Variants in ACTA2 observed in about 807,000 individuals in gnomAD.
ACTA2 encodes the protein actin, aortic smooth muscle.
A neutral mutation model predicts 39.5 loss-of-function variants in ACTA2; 12 were observed. The observed-to-expected ratio is 0.30, with a 90% CI of 0.19 to 0.49. The LOEUF is 0.49. Ranked by LOEUF, ACTA2 falls within the 20% of genes least tolerant of loss-of-function variation. ACTA2 has a pLI of 0.99. For missense variants in ACTA2, 236 were observed against 498.8 expected (o/e 0.47, Z 5.02); for synonymous variants, 158 against 180.6 (o/e 0.88, Z 1.00).
intron 1 of ACTA2, among the ~76,000 whole-genome samples, chr10:88,950,654 G>A (rs72809342): frequency 0.093 from 14,164 of 152,256 alleles, 888 homozygotes; most frequent in Non-Finnish European, 0.14. Flanking sequence ...GGACAACGAA[G>A]ATTTCAGATC....
intron 3 of ACTA2, among the ~76,000 whole-genome samples, chr10:88,944,663 C>G (rs1413328968): frequency 6.6e-6 from 1 of 152,206 alleles, no homozygotes; most frequent in Non-Finnish European, 1.5e-5. Context: ...ATCTTCCACT[C>G]ACAGTCAGAC....
chr10:88,947,958 TAGTC>T (rs1437740082), intron 2 of ACTA2, among the ~76,000 whole-genome samples: 4 of 152,182 alleles, frequency 2.6e-5, no homozygotes, highest in Admixed American at 6.5e-5. Context: ...TTGCCTAAAT[TAGTC>T]AGCTGCATTT....
At chr10:88,956,557 A>T (rs565979876), upstream of ACTA2, among the ~76,000 whole-genome samples, 1 of 152,242 alleles carries the variant, frequency 6.6e-6, no homozygotes, top group Non-Finnish European at 1.5e-5. Flanking sequence ...GTAAGGTAAC[A>T]TATCCACAGG....
chr10:88,973,176 C>T, intron 1 of ACTA2: 1 of 1,611,654 alleles, frequency 6.2e-7, no homozygotes, highest in Non-Finnish European at 8.5e-7. Flanking sequence ...TCTGTGTGAC[C>T]TATAGATTCA....
intron 1 of ACTA2, among the ~76,000 whole-genome samples, chr10:88,976,895 A>T (rs1387715357): frequency 6.6e-6 from 1 of 152,204 alleles, no homozygotes; most frequent in Non-Finnish European, 1.5e-5. Context: ...ACCAATGCTG[A>T]TGTTTGTAGA....
chr10:88,970,897 G>GTGTA (rs1384308570), intron 1 of ACTA2, among the ~76,000 whole-genome samples: 1,946 of 150,474 alleles, frequency 0.013, 45 homozygotes, highest in African/African-American at 0.045. Context: ...GTGTGTGTGT[G>GTGTA]TATATATATA....
intron 1 of ACTA2, among the ~76,000 whole-genome samples, chr10:88,978,213 C>A (rs1455239865): frequency 1.5e-5 from 2 of 130,154 alleles, no homozygotes; most frequent in Non-Finnish European, 3.2e-5. Context: ...ATCACATGGA[C>A]ACTGGAAGGG....
intron 3 of ACTA2, among the ~76,000 whole-genome samples, chr10:88,945,495 T>A (rs1845929655): frequency 6.6e-6 from 1 of 152,200 alleles, no homozygotes; most frequent in African/African-American, 2.4e-5. Context: ...CATTTAAAAT[T>A]TTTTATGTCA....
intron 6 of ACTA2, chr10:88,939,914 C>T: frequency 1.7e-6 from 1 of 588,558 alleles, no homozygotes; most frequent in South Asian, 1.9e-5. Context: ...ATAGTAGGCC[C>T]TCAGCATGCA....
rs1433402666 is a variant in ACTA2, at chr10:88,990,578, AC to A, written c.-24+360del. 1.5e-6 allele frequency: 1 copy of A among 660,914 alleles called. No individual in the cohort carries two copies. Among genetic ancestry groups the A allele is most frequent in the East Asian group, 2.9e-5 (1 of 34,106 alleles). The allele number at this position is 660,914 out of a possible 1,614,324, so 40.9% of individuals were successfully genotyped here. The stretch of plus-strand genomic sequence containing the variant: ...TGCTGAATCAATGGAGCCCTCCCCA[AC>A]CCGGGCGTTCCCCAGCGAGGCTTCC... On this transcript the variant is annotated intron_variant, in intron 1 of 4. Coordinates refer to the ACTA2 transcript ENST00000415557. This position sits in a 1 kb window ranked among gnomAD's most constrained non-coding sequence, Gnocchi z 4.9.
Position 88,980,216 on chromosome 10 carries a change from T to C in ACTA2, c.-24+10723A>G, listed in dbSNP as rs554267774. Among the ~76,000 whole-genome samples the C allele has an allele frequency of 3.3e-5, 5 of 152,018 alleles. No individual in the cohort carries two copies. The East Asian group carries it at 9.8e-4, about 30-fold the overall frequency. On this transcript the variant is annotated intron_variant, in intron 1 of 4. Transcript: ENST00000415557. ...GTGGAACATGAGCAGGAATTAAACA[T>C]AATGCACTTTAAATGTACAACTAAG... is the stretch of plus-strand genomic sequence containing the variant.
chr10:88,961,093 G>C (rs1156779966), intron 1 of ACTA2, among the ~76,000 whole-genome samples: 1 of 152,166 alleles, frequency 6.6e-6, no homozygotes. Flanking sequence ...GGACTATGGG[G>C]AGACACTTAA....
At chr10:88,955,081 G>T (rs1357407745), upstream of ACTA2, among the ~76,000 whole-genome samples, 1 of 150,530 alleles carries the variant, frequency 6.6e-6, no homozygotes, top group Admixed American at 6.6e-5. Flanking sequence ...TAACTTGGTT[G>T]CAGTTCAGGG....
chr10:88,942,393 C>A (rs1329044220), intron 4 of ACTA2, among the ~76,000 whole-genome samples: 2 of 152,254 alleles, frequency 1.3e-5, no homozygotes, highest in East Asian at 3.9e-4. Context: ...TAGGTTTAGC[C>A]CCATTTCTGT....
chr10:88,951,504 A>AAAAAAG (rs1239839858), intron 1 of ACTA2, among the ~76,000 whole-genome samples: 1 of 152,006 alleles, frequency 6.6e-6, no homozygotes, highest in Non-Finnish European at 1.5e-5. Flanking sequence ...TTGGCCAAAA[A>AAAAAAG]AAAAAGAAAA....
At chr10:88,938,510 C>T in intron 7 of ACTA2, 2 of 450,840 alleles carry the variant, frequency 4.4e-6, no homozygotes, top group Non-Finnish European at 8.2e-6. Context: ...TCACTACTCA[C>T]TCCATGTGGT....
At chr10:88,960,857 T>C (rs995551426) in intron 1 of ACTA2, among the ~76,000 whole-genome samples, 9 of 152,354 alleles carry the variant, frequency 5.9e-5, no homozygotes, top group African/African-American at 2.2e-4. Context: ...ATTGTTTTAC[T>C]ATTGCTGCTT....
chr10:88,987,466 ATGGTTTCCTCTCAGTG>A (rs546769647), intron 1 of ACTA2, among the ~76,000 whole-genome samples: 46 of 152,336 alleles, frequency 3.0e-4, no homozygotes, highest in African/African-American at 8.7e-4. Context: ...ATCTTTCAGC[ATGGTTTCCTCTCAGTG>A]TGGTTTCCTC....
chr10:88,977,344 G>A (rs1846589604), intron 1 of ACTA2, among the ~76,000 whole-genome samples: 1 of 150,514 alleles, frequency 6.6e-6, no homozygotes, highest in African/African-American at 2.5e-5. Context: ...TTTTGTATAA[G>A]GTGTAAGGAA....
Sources: gnomAD v4.1 joint callset for allele counts (sites outside exome capture counted in the v4.1 genomes callset) on GRCh38, gnomAD v4.1.1 for gene constraint, Gnocchi (gnomAD v3.1) non-coding constraint, MANE v1.5 for transcripts, NCBI Gene and HGNC (gene_info 2026-07-23, HGNC 2026-07-21) for gene names.